Variants in BANP observed in about 807,000 individuals in gnomAD.
The protein encoded by BANP is protein BANP.
A neutral mutation model predicts 68.1 loss-of-function variants in BANP; 11 were observed. The ratio of observed to expected loss-of-function variants is 0.16; its 90% CI spans 0.10 to 0.27. BANP has a LOEUF of 0.27. Among genes scored for constraint, BANP ranks in the 10% least tolerant of loss-of-function variants. The pLI is 1.00. For missense variants in BANP, 504 were observed against 722.7 expected, an observed-to-expected ratio of 0.70 and a Z score of 3.47; for synonymous variants, 329 against 303.2, an observed-to-expected ratio of 1.09 and a Z score of -0.88.
At chr16:87,971,581 T>A (rs926537765) in intron 1 of BANP, among the ~76,000 whole-genome samples, 2 of 151,900 alleles carry the variant, frequency 1.3e-5, no homozygotes, top group Non-Finnish European at 2.9e-5. Flanking sequence ...GGCTAAAAAA[T>A]TTTTCTTTAA....
Position 88,076,598 on chromosome 16 carries a change from A to G in BANP, c.1530A>G (p.Glu510=), listed in dbSNP as rs977543714. ...CTTTCTCCCTTTTGCAGACGGCCGAAGCCCTGCAGCCCACGCTACAGCCGG... is the reference window on the plus strand; with the variant it reads ...CTTTCTCCCTTTTGCAGACGGCCGAGGCCCTGCAGCCCACGCTACAGCCGG... ...SDHTAGAQTA[E]ALQPTLQPEM... The change falls in exon 14 of 14, where the codon GAA becomes GAG. Residue 510 remains glutamate, a synonymous_variant. Transcript: ENST00000682872. 3.7e-6 allele frequency: 6 copies of G among 1,612,516 alleles called. No individual in the cohort carries two copies. In the East Asian group the frequency reaches 6.7e-5, roughly 18 times the overall value.
intron 1 of BANP, among the ~76,000 whole-genome samples, chr16:87,961,830 C>T (rs1597772020): frequency 6.6e-6 from 1 of 152,140 alleles, no homozygotes; most frequent in Non-Finnish European, 1.5e-5. Flanking sequence ...GTGATCATGA[C>T]AGGGCGTCTG....
intron 4 of BANP, among the ~76,000 whole-genome samples, chr16:87,985,946 A>G (rs1188209393): frequency 1.3e-5 from 2 of 152,248 alleles, no homozygotes; most frequent in African/African-American, 4.8e-5. Flanking sequence ...TGTTGAATAG[A>G]GTAAGATTCT....
intron 12 of BANP, among the ~76,000 whole-genome samples, chr16:88,069,423 TA>T (rs1355786070): frequency 3.3e-5 from 5 of 152,238 alleles, no homozygotes; most frequent in Non-Finnish European, 7.3e-5. Context: ...TTGAGAGGCC[TA>T]CGCCCGAGCC....
At chr16:87,970,235 C>T (rs548359304) in intron 1 of BANP, 2 of 152,294 alleles carry the variant, frequency 1.3e-5, no homozygotes, top group East Asian at 1.9e-4. Context: ...TTAGCATGTT[C>T]TTCTGGCCTC....
At chr16:88,020,054 C>A (rs553864100) in intron 7 of BANP, among the ~76,000 whole-genome samples, 18 of 152,334 alleles carry the variant, frequency 1.2e-4, no homozygotes, top group Middle Eastern at 3.4e-3. Flanking sequence ...AGGGTAGTAT[C>A]AGATAACTCC....
At chr16:88,072,234 G>T in intron 13 of BANP, 22 bp downstream of exon 13, 1 of 1,596,856 alleles carries the variant, frequency 6.3e-7, no homozygotes, top group Non-Finnish European at 8.5e-7. Context: ...GCCCCGCGCC[G>T]GGACACTGAA....
At chr16:87,967,824 T>C (rs1439373212) in intron 1 of BANP, among the ~76,000 whole-genome samples, 1 of 152,008 alleles carries the variant, frequency 6.6e-6, no homozygotes, top group Non-Finnish European at 1.5e-5. Context: ...CGTTTCACCA[T>C]GTTGGTTAGG....
chr16:88,036,252 C>A lies in BANP; in HGVS notation c.1272+858C>A, dbSNP rs1174805145. 6.6e-6 allele frequency among the ~76,000 whole-genome samples: 1 copy of A among 152,184 alleles called. No homozygotes were observed. Among genetic ancestry groups the A allele is most frequent in the Non-Finnish European group, 1.5e-5 (1 of 68,034 alleles). ...AATGGCACCAGCTTTGTGTTTGGTGCATAGTAGTGTGTCGCTGCAAAGATC... is the reference window on the plus strand; with the variant it reads ...AATGGCACCAGCTTTGTGTTTGGTGAATAGTAGTGTGTCGCTGCAAAGATC... On this transcript the variant is annotated intron_variant, in intron 10 of 13. Coordinates refer to ENST00000682872, the MANE Select transcript of BANP (RefSeq NM_001386991.1). The surrounding 1 kb of genome is among the most constrained non-coding windows in gnomAD (Gnocchi z 4.2).
intron 4 of BANP, among the ~76,000 whole-genome samples, chr16:87,995,846 G>A (rs1046570285): frequency 4.6e-5 from 7 of 152,366 alleles, no homozygotes; most frequent in East Asian, 1.9e-4. Flanking sequence ...GAAGCAGCGC[G>A]CCCGGCCTTG....
chr16:88,076,031 C>T (rs919220219), intron 13 of BANP, among the ~76,000 whole-genome samples: 1 of 152,220 alleles, frequency 6.6e-6, no homozygotes, highest in Non-Finnish European at 1.5e-5. Context: ...TAGGCATGAG[C>T]CACTGCGCCC....
Position 88,036,186 on chromosome 16 carries a change from G to A in BANP, c.1272+792G>A, listed in dbSNP as rs1479522689. ...GTGTTGTACTCAGTGACCGTGGTGC[G>A]CTCTGGGGGATGAGGAACATGGCTG... On this transcript the variant is annotated intron_variant, in intron 10 of 13. Transcript: ENST00000682872. The surrounding 1 kb of genome is among the most constrained non-coding windows in gnomAD (Gnocchi z 4.2). Among the ~76,000 whole-genome samples the A allele has an allele frequency of 6.6e-6, 1 of 152,208 alleles. No homozygotes were observed.
At chr16:88,017,408 A>G (rs6540151) in intron 6 of BANP, 148,396 of 152,412 alleles carry the variant, frequency 0.97, 72,354 homozygotes, top group East Asian at 1. Flanking sequence ...CCAAGCAGGA[A>G]TGTGAGTTTT....
chr16:87,961,419 G>T (rs1567585800), intron 1 of BANP, among the ~76,000 whole-genome samples: 2 of 84,442 alleles, frequency 2.4e-5, no homozygotes, highest in African/African-American at 6.8e-5. Context: ...ACCCCCCCGG[G>T]CCTCCCAAAG....
intron 7 of BANP, among the ~76,000 whole-genome samples, chr16:88,025,313 TC>T (rs2076776279): frequency 6.6e-6 from 1 of 152,142 alleles, no homozygotes; most frequent in African/African-American, 2.4e-5. Context: ...ATGGTTGGGT[TC>T]CCCCATGACC....
rs1667659902 is a variant in BANP, at chr16:88,004,372, G to A, written c.440G>A (p.Ser147Asn). 6.5e-7 allele frequency: 1 copy of A among 1,547,910 alleles called. No homozygotes were observed. The highest frequency in any genetic ancestry group is 8.7e-7 in the Non-Finnish European group (1 of 1,144,664). ...GTAGCCAAGATGGAAGACCCCTTGA[G>A]CAACAGGGCACCGGATTCCCTGGAA... is the stretch of plus-strand genomic sequence containing the variant. ...AIVAKMEDPL[S>N]NRAPDSLENV... is the part of the protein sequence containing the mutation. Residue 147 changes from serine (S) to asparagine (N), a missense_variant, in exon 5 of 14, where the codon AGC becomes AAC. By Grantham distance (46) the Ser-to-Asn change is conservative. Transcript: ENST00000682872. This position sits in a 1 kb window ranked among gnomAD's most constrained non-coding sequence, Gnocchi z 7.0.
At chr16:87,994,214 T>C (rs539641793) in intron 4 of BANP, among the ~76,000 whole-genome samples, 1 of 152,384 alleles carries the variant, frequency 6.6e-6, no homozygotes, top group African/African-American at 2.4e-5. Flanking sequence ...TGCAGAGTGC[T>C]GACTTCTGTG....
chr16:87,999,333 C>T (rs1379279177), intron 4 of BANP, among the ~76,000 whole-genome samples: 1 of 142,824 alleles, frequency 7.0e-6, no homozygotes, highest in South Asian at 2.3e-4. Flanking sequence ...TCTCCATGCA[C>T]GCACATGCGC....
chr16:88,015,174 GCCTGTGC>G (rs940611490), intron 6 of BANP, among the ~76,000 whole-genome samples: 13 of 134,864 alleles, frequency 9.6e-5, no homozygotes, highest in South Asian at 2.4e-4. Context: ...CGTCCCCTCT[GCCTGTGC>G]CCTCTGCCCG....
Sources: allele counts gnomAD v4.1 joint callset (sites outside exome capture counted in the v4.1 genomes callset), GRCh38; gene constraint gnomAD v4.1.1; non-coding constraint Gnocchi (gnomAD v3.1); transcripts MANE v1.5; gene names NCBI Gene and HGNC (gene_info 2026-07-23, HGNC 2026-07-21).